Variants in PRDM11 observed in about 807,000 individuals in gnomAD.
PRDM11 encodes the protein PR/SET domain 11, also known as PR domain-containing protein 11.
Under a neutral mutation model 97.8 loss-of-function variants are expected in PRDM11, and 20 were observed. The observed-to-expected ratio is 0.20, with a 90% CI of 0.14 to 0.30. The LOEUF is 0.30. PRDM11 is among the 10% of genes least tolerant of loss of function. PRDM11 has a pLI of 1.00. For synonymous variants in PRDM11, 599 were observed against 637.7 expected (o/e 0.94, Z 0.91); for missense variants, 1,139 against 1,555.2 (o/e 0.73, Z 4.50).
At chr11:45,122,236 CAG>C (rs1554964899) in intron 1 of PRDM11, among the ~76,000 whole-genome samples, 13 of 144,630 alleles carry the variant, frequency 9.0e-5, no homozygotes, top group African/African-American at 3.3e-4. Flanking sequence ...CACACACACA[CAG>C]AGAGAAACAG....
chr11:45,127,242 T>C (rs1255871492), intron 1 of PRDM11, among the ~76,000 whole-genome samples: 1 of 152,156 alleles, frequency 6.6e-6, no homozygotes, highest in African/African-American at 2.4e-5. Context: ...ATTCGTCTAA[T>C]TTTTTTCAAA....
intron 4 of PRDM11, among the ~76,000 whole-genome samples, chr11:45,197,919 T>G (rs967322770): frequency 6.6e-6 from 1 of 152,090 alleles, no homozygotes; most frequent in Non-Finnish European, 1.5e-5. Flanking sequence ...ATACCTAATG[T>G]AAATGACGAG....
chr11:45,182,746 G>T (rs1852556895), intron 3 of PRDM11, 115 bp from the exon 4 acceptor site: 2 of 1,297,598 alleles, frequency 1.5e-6, no homozygotes, highest in African/African-American at 3.0e-5. Context: ...GATGACCCTG[G>T]GGCCTGCAGC....
At chr11:45,174,482 A>AT (rs1239117172) in intron 1 of PRDM11, among the ~76,000 whole-genome samples, 1 of 152,244 alleles carries the variant, frequency 6.6e-6, no homozygotes, top group East Asian at 1.9e-4. Flanking sequence ...CTAAACAAAA[A>AT]TAAAAACAGG....
chr11:45,101,567 A>AAAGAAGAAGAAGAAGAAGAAGAAG (rs1554963213), intron 1 of PRDM11, among the ~76,000 whole-genome samples: 3 of 96,834 alleles, frequency 3.1e-5, no homozygotes, highest in African/African-American at 9.8e-5. Flanking sequence ...AAAAAAAAAA[A>AAAGAAGAAGAAGAAGAAGAAGAAG]AAGAAGAAGA....
At chr11:45,168,583 A>G (rs1393530548) in intron 1 of PRDM11, among the ~76,000 whole-genome samples, 2 of 152,156 alleles carry the variant, frequency 1.3e-5, no homozygotes, top group African/African-American at 4.8e-5. Context: ...GGCTTGGGTC[A>G]GGGCATCTCT....
chr11:45,206,369 C>T (rs561460667), intron 5 of PRDM11, among the ~76,000 whole-genome samples: 33 of 152,292 alleles, frequency 2.2e-4, no homozygotes, highest in African/African-American at 7.9e-4. Flanking sequence ...TCTGGGGACA[C>T]TGGGTTGTGG....
At chr11:45,117,165 T>C (rs1852320130) in intron 1 of PRDM11, among the ~76,000 whole-genome samples, 1 of 134,600 alleles carries the variant, frequency 7.4e-6, no homozygotes. Context: ...CAGGTTGCAA[T>C]GAGCCGAGAT....
intron 4 of PRDM11, among the ~76,000 whole-genome samples, chr11:45,190,120 TAC>T (rs1015493456): frequency 4.0e-5 from 6 of 151,552 alleles, no homozygotes; most frequent in Admixed American, 1.3e-4. Context: ...TTACACCACC[TAC>T]ACACACACGT....
intron 6 of PRDM11, 31 bp from the exon 7 acceptor site, chr11:45,224,186 C>T: frequency 2.6e-6 from 4 of 1,532,416 alleles, no homozygotes; most frequent in Non-Finnish European, 3.5e-6. Context: ...GGGTTTTCCC[C>T]ATTTCCTTAC....
intron 6 of PRDM11, 39 bp from the exon 7 acceptor site, chr11:45,224,178 G>A (rs1175658736): frequency 5.9e-6 from 9 of 1,527,172 alleles, no homozygotes; most frequent in Non-Finnish European, 7.9e-6. Context: ...CAATTTGGGG[G>A]TTTTCCCCAT....
rs1346184860 is a variant in PRDM11 at position 45,231,204 on chromosome 11, CTCT to C, written c.*3049_*3051del. The stretch of plus-strand genomic sequence containing the variant: ...TACACCACTGCAATTTACACGGGGT[CTCT>C]TCTCAGCTTGGATGCTCCCTGGGAG... On this transcript the variant is annotated 3_prime_UTR_variant, in exon 8 of 8. Transcript: ENST00000683152. 1 of 152,186 alleles carries C rather than the reference CTCT, an allele frequency of 6.6e-6. No individual in the cohort carries two copies. Among genetic ancestry groups the C allele is most frequent in the Non-Finnish European group, 1.5e-5 (1 of 68,064 alleles). 9.4% of individuals were successfully genotyped at this position (152,186 alleles called of 1,614,324 possible). A position where few individuals can be genotyped will look rare whatever the true frequency, so the allele number is the denominator to read the frequency against.
chr11:45,107,822 T>G (rs1852088653), intron 1 of PRDM11, among the ~76,000 whole-genome samples: 1 of 148,644 alleles, frequency 6.7e-6, no homozygotes, highest in Non-Finnish European at 1.5e-5. Flanking sequence ...TCAATAAATG[T>G]GGGTTGGATT....
intron 5 of PRDM11, among the ~76,000 whole-genome samples, chr11:45,208,492 C>G (rs897904377): frequency 1.3e-5 from 2 of 152,156 alleles, no homozygotes; most frequent in African/African-American, 4.8e-5. Context: ...AGATTTTAAG[C>G]CCCTTACATC....
chr11:45,201,253 T>C (rs1225247449), intron 4 of PRDM11, among the ~76,000 whole-genome samples: 1 of 152,214 alleles, frequency 6.6e-6, no homozygotes, highest in Non-Finnish European at 1.5e-5. Flanking sequence ...TTTAAAAATA[T>C]ATCATTTATT....
Position 45,194,590 on chromosome 11 carries a change from C to CTTTTTTTTTTTTTT in PRDM11, c.487-10120_487-10119insTTTTTTTTTTTTTT, listed in dbSNP as rs1183339151. On this transcript the variant is annotated intron_variant, in intron 4 of 7. Coordinates refer to ENST00000683152, the MANE Select transcript of PRDM11 (RefSeq NM_001384648.1). Reference sequence around the variant, plus strand: ...AGTACTGTGGGATAGTTATTATCTTCTGTTTTTTTTTTTTTTTTTTTTTTT... The same window carrying CTTTTTTTTTTTTTT: ...AGTACTGTGGGATAGTTATTATCTTCTTTTTTTTTTTTTTTGTTTTTTTTTTTTTTTTTTTTTTT... Among the ~76,000 whole-genome samples the CTTTTTTTTTTTTTT allele has an allele frequency of 3.3e-5, 3 of 89,992 alleles. 1 individual carries two copies. Among genetic ancestry groups the CTTTTTTTTTTTTTT allele is most frequent in the Non-Finnish European group, 2.2e-5 (1 of 44,720 alleles). 59.0% of individuals were successfully genotyped at this position (89,992 alleles called of 152,430 possible).
intron 3 of PRDM11, 81 bp downstream of exon 3, chr11:45,182,430 C>A: frequency 1.5e-6 from 2 of 1,293,034 alleles, no homozygotes; most frequent in Non-Finnish European, 2.2e-6. Flanking sequence ...CACAACAATG[C>A]TACTAAGATA....
chr11:45,229,641 C>T lies in PRDM11; in HGVS notation c.*1482C>T, dbSNP rs553531963. ...CATTCATTTAACTACCGGTATACCTCGCAAGGGAGTTTTAAAAAATGTGCG... is the reference window on the plus strand; with the variant it reads ...CATTCATTTAACTACCGGTATACCTTGCAAGGGAGTTTTAAAAAATGTGCG... On this transcript the variant is annotated 3_prime_UTR_variant, in exon 8 of 8. Coordinates refer to ENST00000683152, the MANE Select transcript of PRDM11 (RefSeq NM_001384648.1). 1.3e-5 allele frequency: 2 copies of T among 152,272 alleles called. No homozygotes were observed. Among genetic ancestry groups the T allele is most frequent in the South Asian group, 2.1e-4 (1 of 4,814 alleles). The allele number at this position is 152,272 out of a possible 1,614,324, so 9.4% of individuals were successfully genotyped here.
At chr11:45,147,075 G>A (rs1210340376) in intron 1 of PRDM11, among the ~76,000 whole-genome samples, 198 bp downstream of exon 1, 2 of 148,510 alleles carry the variant, frequency 1.3e-5, no homozygotes, top group Non-Finnish European at 3.0e-5. Flanking sequence ...GCCCGCCGTG[G>A]CCGCGAGGTG....
Sources: gnomAD v4.1 joint callset for allele counts (sites outside exome capture counted in the v4.1 genomes callset) on GRCh38, gnomAD v4.1.1 for gene constraint, MANE v1.5 for transcripts, NCBI Gene and HGNC (gene_info 2026-07-23, HGNC 2026-07-21) for gene names.